Variants in SIPA1L1 observed in about 807,000 individuals in gnomAD.
SIPA1L1 encodes the protein signal-induced proliferation-associated 1-like protein 1.
SIPA1L1 carries 26 observed loss-of-function variants against 162.7 expected under a neutral mutation model. The ratio of observed to expected loss-of-function variants is 0.16; its 90% confidence interval spans 0.12 to 0.22. The LOEUF (loss-of-function observed/expected upper bound fraction) is 0.22, where lower values mean the gene tolerates loss of function less well. SIPA1L1 is among the 10% of genes least tolerant of loss of function. The pLI is 1.00. For missense variants in SIPA1L1, 1,874 were observed against 2,241.0 expected (o/e 0.84, Z 3.31); for synonymous variants, 829 against 837.4 (o/e 0.99, Z 0.17).
Position 71,544,059 on chromosome 14 carries a change from GTA to G in SIPA1L1, c.-303+14694_-303+14695del, listed in dbSNP as rs1403332509. Among the ~76,000 whole-genome samples, 8 of 150,398 alleles carry G rather than the reference GTA, an allele frequency of 5.3e-5. No individual in the cohort carries two copies. The East Asian group carries it at 1.4e-3, about 26-fold the overall frequency. On this transcript the variant is annotated intron_variant, in intron 4 of 23. Transcript: ENST00000381232. ...TATATACACACGCACGCACATGTAT[GTA>G]TATACACACGCACGCACATGTATGT...
At chr14:71,608,254 T>G (rs1387629753) in intron 5 of SIPA1L1, among the ~76,000 whole-genome samples, 1 of 152,214 alleles carries the variant, frequency 6.6e-6, no homozygotes, top group African/African-American at 2.4e-5. Flanking sequence ...GGACACTGCA[T>G]GGTCCCTGTC....
At position 71,602,486 on chromosome 14, in the gene SIPA1L1, A is replaced by G. The variant is rs542493364; in HGVS notation, c.1498+13116A>G. 6.6e-5 allele frequency among the ~76,000 whole-genome samples: 10 copies of G among 152,328 alleles called. No homozygotes were observed. In the South Asian group the frequency reaches 8.3e-4, roughly 13 times the overall value. ...TTATTTGGGTCCTAACATACAGTCT[A>G]TCTTGGAGAATGTTCTATGTGCTGA... On this transcript the variant is annotated intron_variant, in intron 5 of 23. Transcript: ENST00000381232.
At position 71,474,409 on chromosome 14, in the gene SIPA1L1, G is replaced by A. The variant is rs777894560; in HGVS notation, c.-464-38334G>A. On this transcript the variant is annotated intron_variant, in intron 2 of 23. Coordinates refer to ENST00000381232, the MANE Select transcript of SIPA1L1 (RefSeq NM_001386936.1). ...AGTGGACCAGTGGATAATGCCCACT[G>A]GGAGATACAGTCCTTTGCAAGTAAT... Among the ~76,000 whole-genome samples the A allele has an allele frequency of 2.6e-5, 4 of 152,312 alleles. 1 individual carries two copies. In the Middle Eastern group the frequency reaches 0.014, roughly 518 times the overall value.
intron 8 of SIPA1L1, among the ~76,000 whole-genome samples, chr14:71,654,258 G>T (rs1651725272): frequency 6.6e-6 from 1 of 152,274 alleles, no homozygotes; most frequent in East Asian, 1.9e-4. Context: ...CTGCAATGAA[G>T]AAATTTTTAA....
At chr14:71,514,028 T>C (rs1456221081) in intron 3 of SIPA1L1, among the ~76,000 whole-genome samples, 2 of 151,950 alleles carry the variant, frequency 1.3e-5, no homozygotes, top group Admixed American at 6.6e-5. Flanking sequence ...AAGAAAAAAA[T>C]TGACTGAGGG....
chr14:71,674,045 T>C (rs1012902554), intron 12 of SIPA1L1, among the ~76,000 whole-genome samples: 1 of 152,360 alleles, frequency 6.6e-6, no homozygotes. Context: ...CTCCTTCAAA[T>C]TGTCTACTTT....
At chr14:71,536,948 T>C (rs554575438) in intron 4 of SIPA1L1, among the ~76,000 whole-genome samples, 1 of 152,210 alleles carries the variant, frequency 6.6e-6, no homozygotes, top group Admixed American at 6.5e-5. Context: ...TTCTTGCCTG[T>C]TTTTCTTTTA....
At chr14:71,634,780 CA>C (rs2040952322) in intron 7 of SIPA1L1, among the ~76,000 whole-genome samples, 1 of 151,446 alleles carries the variant, frequency 6.6e-6, no homozygotes, top group South Asian at 2.1e-4. Flanking sequence ...ACTAAAAATA[CA>C]AAAAATTAGC....
chr14:71,489,410 T>A (rs1012005852), intron 2 of SIPA1L1, among the ~76,000 whole-genome samples: 1 of 152,226 alleles, frequency 6.6e-6, no homozygotes, highest in African/African-American at 2.4e-5. Flanking sequence ...AGATTATTCG[T>A]TATAGAATTG....
rs1440230465 is a variant in SIPA1L1, at chr14:71,478,986, T to C, written c.-464-33757T>C. On this transcript the variant is annotated intron_variant, in intron 2 of 23. Coordinates refer to ENST00000381232, the MANE Select transcript of SIPA1L1 (RefSeq NM_001386936.1). ...AAAAAAAAAGGAAAGAAAAATGGAG[T>C]GTTTCCCCCATTTTCTCCAGGTTTA... Among the ~76,000 whole-genome samples the C allele has an allele frequency of 4.6e-5, 7 of 151,264 alleles. No individual in the cohort carries two copies. The East Asian group carries it at 1.4e-3, about 29-fold the overall frequency.
At chr14:71,458,434 C>G (rs1320700816) in intron 2 of SIPA1L1, among the ~76,000 whole-genome samples, 1 of 152,068 alleles carries the variant, frequency 6.6e-6, no homozygotes, top group Admixed American at 6.5e-5. Context: ...TTGAGACTTG[C>G]TTCCATCAGA....
At chr14:71,681,129 A>C (rs913197632) in intron 12 of SIPA1L1, among the ~76,000 whole-genome samples, 1 of 152,252 alleles carries the variant, frequency 6.6e-6, no homozygotes, top group African/African-American at 2.4e-5. Context: ...GAACGGAACC[A>C]GCTAGCATGA....
rs575131815 is a variant in SIPA1L1 at position 71,592,461 on chromosome 14, A to C, written c.1498+3091A>C. 1.2e-4 allele frequency among the ~76,000 whole-genome samples: 19 copies of C among 152,336 alleles called. No individual in the cohort carries two copies. In the South Asian group the frequency reaches 3.9e-3, roughly 32 times the overall value. ...GACTAACTCATTTTTCCTAATCAGA[A>C]CCTTAAAGCAAGTCTTCTTGTTGAA... On this transcript the variant is annotated intron_variant, in intron 5 of 23. Coordinates refer to ENST00000381232, the MANE Select transcript of SIPA1L1 (RefSeq NM_001386936.1).
chr14:71,545,226 C>T (rs1299895429), intron 4 of SIPA1L1, among the ~76,000 whole-genome samples: 1 of 152,048 alleles, frequency 6.6e-6, no homozygotes, highest in Non-Finnish European at 1.5e-5. Context: ...ATTTTAGAAT[C>T]ATTTGTCATT....
At chr14:71,486,552 A>G (rs188795195) in intron 2 of SIPA1L1, among the ~76,000 whole-genome samples, 2 of 152,344 alleles carry the variant, frequency 1.3e-5, no homozygotes, top group East Asian at 1.9e-4. Flanking sequence ...CCCAAATAAA[A>G]TGATACTTCT....
intron 3 of SIPA1L1, among the ~76,000 whole-genome samples, chr14:71,523,193 C>T (rs935618013): frequency 1.3e-5 from 2 of 151,676 alleles, no homozygotes; most frequent in Non-Finnish European, 2.9e-5. Context: ...CTTATTTGCT[C>T]ATATTTTCAA....
intron 17 of SIPA1L1, among the ~76,000 whole-genome samples, chr14:71,713,806 C>G (rs1483630088): frequency 2.0e-5 from 3 of 152,182 alleles, no homozygotes; most frequent in African/African-American, 7.2e-5. Flanking sequence ...ATATGCCTTC[C>G]ATCTTTGTTT....
intron 2 of SIPA1L1, among the ~76,000 whole-genome samples, chr14:71,419,797 A>G (rs887765250): frequency 6.6e-6 from 1 of 151,978 alleles, no homozygotes; most frequent in East Asian, 1.9e-4. Flanking sequence ...GCGCCCGGCC[A>G]AGGAGGATCT....
intron 2 of SIPA1L1, among the ~76,000 whole-genome samples, chr14:71,437,707 C>T (rs2044504711): frequency 6.6e-6 from 1 of 152,192 alleles, no homozygotes; most frequent in Non-Finnish European, 1.5e-5. Context: ...AGCAGTTACT[C>T]ATCATACTAC....
Sources: gnomAD v4.1 joint callset for allele counts (sites outside exome capture counted in the v4.1 genomes callset) on GRCh38, gnomAD v4.1.1 for gene constraint, MANE v1.5 for transcripts, NCBI Gene and HGNC (gene_info 2026-07-23, HGNC 2026-07-21) for gene names.